TIAM2: variants seen among roughly 807,000 people sequenced by gnomAD.
TIAM2 encodes TIAM Rac1 associated GEF 2, also known as rho guanine nucleotide exchange factor TIAM2.
In TIAM2, 80 loss-of-function variants were observed where a neutral mutation model predicts 152.9. The ratio of observed to expected loss-of-function variants is 0.52; its 90% confidence interval spans 0.44 to 0.63. TIAM2 has a LOEUF of 0.63. Ranked by LOEUF, TIAM2 falls within the 30% of genes least tolerant of loss-of-function variation. TIAM2 has a pLI of 0.00. For synonymous variants in TIAM2, 804 were observed against 838.0 expected, an observed-to-expected ratio of 0.96 and a Z score of 0.70; for missense variants, 1,965 against 2,120.1, an observed-to-expected ratio of 0.93 and a Z score of 1.44.
intron 1 of TIAM2, among the ~76,000 whole-genome samples, chr6:155,031,299 C>G (rs1776816191): frequency 6.6e-6 from 1 of 152,174 alleles, no homozygotes; most frequent in African/African-American, 2.4e-5. Flanking sequence ...AATATAAATC[C>G]AGGTGAGTCT....
intron 1 of TIAM2, among the ~76,000 whole-genome samples, chr6:155,028,566 CTG>C (rs1380091724): frequency 4.4e-5 from 6 of 136,018 alleles, no homozygotes; most frequent in African/African-American, 1.3e-4. Context: ...TATATATATA[CTG>C]TGTTACATAT....
intron 15 of TIAM2, among the ~76,000 whole-genome samples, chr6:155,224,308 C>T (rs1782165327): frequency 6.6e-6 from 1 of 152,140 alleles, no homozygotes; most frequent in Non-Finnish European, 1.5e-5. Context: ...AGTCATTTTG[C>T]AATTTCCTCT....
intron 17 of TIAM2, 69 bp from the exon 18 acceptor site, chr6:155,244,589 C>T: frequency 1.3e-6 from 2 of 1,550,202 alleles, no homozygotes; most frequent in East Asian, 2.3e-5. Context: ...ATTTGTGGGC[C>T]TAAGAGTTAG....
intron 1 of TIAM2, among the ~76,000 whole-genome samples, chr6:155,076,870 A>AT (rs1388631564): frequency 2.0e-5 from 3 of 152,070 alleles, no homozygotes; most frequent in Admixed American, 2.0e-4. Flanking sequence ...TAATTTTTGT[A>AT]TTTTTAGTAG....
At chr6:155,237,748 T>C (rs73579304) in intron 15 of TIAM2, among the ~76,000 whole-genome samples, 3,612 of 152,306 alleles carry the variant, frequency 0.024, 152 homozygotes, top group African/African-American at 0.083. Flanking sequence ...CTTTCAGCCA[T>C]GGTTGGAGTG....
At chr6:155,163,593 G>T (rs2115097308) in intron 7 of TIAM2, among the ~76,000 whole-genome samples, 1 of 152,220 alleles carries the variant, frequency 6.6e-6, no homozygotes, top group African/African-American at 2.4e-5. Context: ...ACTTACTTAG[G>T]AGTATACTCA....
chr6:155,028,496 CTG>C (rs373813976), intron 1 of TIAM2, among the ~76,000 whole-genome samples: 12,622 of 113,126 alleles, frequency 0.11, 623 homozygotes, highest in Middle Eastern at 0.23. Flanking sequence ...CATATATATA[CTG>C]TGTTACATAT....
chr6:155,201,801 A>G (rs1042122126), intron 14 of TIAM2, among the ~76,000 whole-genome samples: 1 of 152,210 alleles, frequency 6.6e-6, no homozygotes, highest in Non-Finnish European at 1.5e-5. Context: ...GCAGCCTGCT[A>G]TTAAGAAACA....
intron 15 of TIAM2, among the ~76,000 whole-genome samples, chr6:155,232,283 T>C (rs1782510901): frequency 6.6e-6 from 1 of 152,012 alleles, no homozygotes; most frequent in Non-Finnish European, 1.5e-5. Flanking sequence ...TTTTTTCCCG[T>C]TTTCCTAAAG....
chr6:155,244,394 C>A (rs919210917), intron 17 of TIAM2, among the ~76,000 whole-genome samples: 1 of 152,258 alleles, frequency 6.6e-6, no homozygotes, highest in Non-Finnish European at 1.5e-5. Flanking sequence ...TACTGACTTA[C>A]ATTTTTCTTA....
chr6:155,038,954 T>A (rs1339294729), intron 1 of TIAM2, among the ~76,000 whole-genome samples: 1 of 8,718 alleles, frequency 1.1e-4, no homozygotes, highest in Non-Finnish European at 2.5e-4. Flanking sequence ...GAGCATGTCC[T>A]TTTTTTTTTT....
At position 155,029,121 on chromosome 6, in the gene TIAM2, G is replaced by A. The variant is rs62651291; in HGVS notation, c.-209+33629G>A. ...ATATACTATGTGTTATATATACACT[G>A]TATGTACTATGTGTTATATACACTA... On this transcript the variant is annotated intron_variant, in intron 1 of 26. Coordinates refer to ENST00000682666, the MANE Select transcript of TIAM2 (RefSeq NM_012454.4). 8.2e-4 allele frequency among the ~76,000 whole-genome samples: 53 copies of A among 64,734 alleles called. 4 individuals carry two copies. The highest frequency in any genetic ancestry group is 1.9e-3 in the African/African-American group (31 of 16,320). 42.5% of individuals were successfully genotyped at this position (64,734 alleles called of 152,430 possible). A position where few individuals can be genotyped will look rare whatever the true frequency, so the allele number is the denominator to read the frequency against.
At chr6:155,071,829 G>A (rs1777845167) in intron 1 of TIAM2, among the ~76,000 whole-genome samples, 1 of 151,448 alleles carries the variant, frequency 6.6e-6, no homozygotes, top group Non-Finnish European at 1.5e-5. Flanking sequence ...CTGGGAGGTG[G>A]AGGTTACAGT....
At chr6:155,162,242 G>C (rs1183014016) in intron 7 of TIAM2, among the ~76,000 whole-genome samples, 1 of 152,186 alleles carries the variant, frequency 6.6e-6, no homozygotes, top group African/African-American at 2.4e-5. Flanking sequence ...ACAGGCATGA[G>C]CCACTGTGCC....
At chr6:155,059,282 C>CTCTG (rs754941565) in intron 1 of TIAM2, among the ~76,000 whole-genome samples, 144 of 144,206 alleles carry the variant, frequency 1.0e-3, no homozygotes, top group African/African-American at 3.1e-3. Context: ...ATGTCCCTTT[C>CTCTG]TGTGTGTGTG....
At position 155,213,841 on chromosome 6, in the gene TIAM2, A is replaced by G. The variant is rs997752244; in HGVS notation, c.3168+2534A>G. ...AGCGCTGCCCTGAACGTGTCCACAC[A>G]TGGCTGGGTTGCAGCAGTGCCTGGG... On this transcript the variant is annotated intron_variant, in intron 15 of 26. Transcript: ENST00000682666. This position sits in a 1 kb window ranked among gnomAD's most constrained non-coding sequence, Gnocchi z 4.2. Among the ~76,000 whole-genome samples, 1 of 152,232 alleles carries G rather than the reference A, an allele frequency of 6.6e-6. No individual in the cohort carries two copies. Among genetic ancestry groups the G allele is most frequent in the Admixed American group, 6.5e-5 (1 of 15,282 alleles).
intron 1 of TIAM2, among the ~76,000 whole-genome samples, chr6:155,017,628 C>T (rs1221595701): frequency 2.0e-5 from 3 of 151,662 alleles, no homozygotes; most frequent in African/African-American, 4.8e-5. Context: ...CTCAGCCTCC[C>T]GAGTAGCTGG....
At chr6:155,106,231 C>T (rs893758559) in intron 2 of TIAM2, among the ~76,000 whole-genome samples, 1 of 152,006 alleles carries the variant, frequency 6.6e-6, no homozygotes, top group Admixed American at 6.6e-5. Context: ...TTCCGAACTC[C>T]TGACCTCAGG....
intron 1 of TIAM2, among the ~76,000 whole-genome samples, chr6:154,996,164 A>G (rs879737575): frequency 6.6e-6 from 1 of 152,248 alleles, no homozygotes; most frequent in Non-Finnish European, 1.5e-5. Flanking sequence ...AAAAGAGTCC[A>G]TTCTTCCAGC....
Sources: gnomAD v4.1 joint callset for allele counts (sites outside exome capture counted in the v4.1 genomes callset) on GRCh38, gnomAD v4.1.1 for gene constraint, Gnocchi (gnomAD v3.1) non-coding constraint, MANE v1.5 for transcripts, NCBI Gene and HGNC (gene_info 2026-07-23, HGNC 2026-07-21) for gene names.